Variants in DGKB observed in about 807,000 individuals in gnomAD.
DGKB encodes the protein diacylglycerol kinase beta.
A neutral mutation model predicts 114.3 loss-of-function variants in DGKB; 67 were observed. That is an observed-to-expected ratio of 0.59 (90% CI 0.48 to 0.72). The LOEUF is 0.72. Among genes scored for constraint, DGKB ranks in the 30% least tolerant of loss-of-function variants. The pLI, the probability that DGKB is intolerant of heterozygous loss-of-function variation, is 0.00. For synonymous variants in DGKB, 398 were observed against 323.1 expected (o/e 1.23, Z -2.49); for missense variants, 907 against 975.2 (o/e 0.93, Z 0.93).
At chr7:14,410,041 T>A (rs1019719298) in intron 21 of DGKB, among the ~76,000 whole-genome samples, 29 of 152,128 alleles carry the variant, frequency 1.9e-4, no homozygotes, top group African/African-American at 6.5e-4. Context: ...AAAGATAGAT[T>A]TTTGACTGTG....
intron 23 of DGKB, among the ~76,000 whole-genome samples, chr7:14,260,484 C>T (rs117754483): frequency 3.3e-5 from 5 of 152,144 alleles, no homozygotes; most frequent in African/African-American, 9.7e-5. Flanking sequence ...TAAACTCAGA[C>T]CTCAATAAGG....
rs368393799 is a variant in DGKB, at chr7:14,867,518, A to G, written c.-187-26068T>C. Among the ~76,000 whole-genome samples the G allele has an allele frequency of 3.9e-5, 6 of 151,986 alleles. No individual in the cohort carries two copies. In the East Asian group the frequency reaches 7.7e-4, roughly 20 times the overall value. ...TTGTTGAAAGACTATCTTTGCTCCA[A>G]TGTATACTTCTTACATTTAAAAACT... On this transcript the variant is annotated intron_variant, in intron 1 of 25. Coordinates refer to ENST00000402815, the MANE Select transcript of DGKB (RefSeq NM_001350709.2).
intron 23 of DGKB, among the ~76,000 whole-genome samples, chr7:14,313,384 G>A (rs1043504303): frequency 6.6e-5 from 10 of 152,124 alleles, no homozygotes; most frequent in African/African-American, 1.9e-4. Flanking sequence ...ACTAGGGAGC[G>A]CCAGACAGTG....
rs141279513 is a variant in DGKB at position 14,838,890 on chromosome 7, G to A, written c.70+2304C>T. ...TCCCTTCAATTGTGATGGGCTAAATGTGCCTCACCTCCCTTCCTCAAATTT... is the reference window on the plus strand; with the variant it reads ...TCCCTTCAATTGTGATGGGCTAAATATGCCTCACCTCCCTTCCTCAAATTT... On this transcript the variant is annotated intron_variant, in intron 2 of 25. Coordinates refer to ENST00000402815, the MANE Select transcript of DGKB (RefSeq NM_001350709.2). Among the ~76,000 whole-genome samples, 867 of 152,216 alleles carry A rather than the reference G, an allele frequency of 5.7e-3. 4 individuals carry two copies. The highest frequency in any genetic ancestry group is 0.024 in the Middle Eastern group (7 of 294).
intron 1 of DGKB, among the ~76,000 whole-genome samples, chr7:14,931,484 T>C (rs1281126366): frequency 3.9e-5 from 6 of 152,286 alleles, no homozygotes; most frequent in Admixed American, 3.9e-4. Context: ...TTATTTTTTG[T>C]TGTGTCCTTG....
chr7:14,374,636 C>T (rs1018855298), intron 21 of DGKB, among the ~76,000 whole-genome samples: 5 of 152,126 alleles, frequency 3.3e-5, no homozygotes, highest in African/African-American at 1.2e-4. Flanking sequence ...GTCTTAACAA[C>T]CCTTTGGTAT....
chr7:14,474,922 CTTTCT>C (rs1302098094), intron 21 of DGKB, among the ~76,000 whole-genome samples: 2 of 151,632 alleles, frequency 1.3e-5, no homozygotes, highest in East Asian at 3.9e-4. Context: ...AAACAGCATG[CTTTCT>C]TTTAACAGTT....
At chr7:14,330,114 A>G (rs906081534) in intron 23 of DGKB, among the ~76,000 whole-genome samples, 11 of 152,026 alleles carry the variant, frequency 7.2e-5, no homozygotes, top group Admixed American at 5.9e-4. Flanking sequence ...GAAATATAGA[A>G]GGGTTTTAGA....
intron 9 of DGKB, among the ~76,000 whole-genome samples, chr7:14,689,453 G>T (rs1035347520): frequency 6.6e-6 from 1 of 151,858 alleles, no homozygotes; most frequent in African/African-American, 2.4e-5. Flanking sequence ...TTACAGGCGT[G>T]AGCCACCGCG....
At chr7:14,541,033 A>G (rs1363907787) in intron 20 of DGKB, among the ~76,000 whole-genome samples, 1 of 152,120 alleles carries the variant, frequency 6.6e-6, no homozygotes, top group African/African-American at 2.4e-5. Flanking sequence ...CTCCTTCTTG[A>G]TAGACCACAA....
intron 1 of DGKB, among the ~76,000 whole-genome samples, chr7:14,971,927 G>C (rs544758680): frequency 6.6e-6 from 1 of 152,140 alleles, no homozygotes; most frequent in South Asian, 2.1e-4. Context: ...TGTACTTTTA[G>C]TAGAGATGGG....
intron 22 of DGKB, among the ~76,000 whole-genome samples, chr7:14,342,276 C>G (rs556710181): frequency 3.3e-5 from 5 of 151,856 alleles, no homozygotes; most frequent in East Asian, 3.9e-4. Flanking sequence ...CCCTGTCAAC[C>G]AAAAGACTGA....
chr7:14,749,006 T>C (rs894592385), intron 4 of DGKB, among the ~76,000 whole-genome samples: 1 of 152,174 alleles, frequency 6.6e-6, no homozygotes, highest in African/African-American at 2.4e-5. Flanking sequence ...TTTAAATTAA[T>C]CAGAGTTTTT....
chr7:14,652,174 A>G (rs1303790909), intron 13 of DGKB, among the ~76,000 whole-genome samples: 2 of 145,156 alleles, frequency 1.4e-5, no homozygotes, highest in Non-Finnish European at 3.0e-5. Context: ...GGAACCAAAA[A>G]AGAGCCCACA....
rs563286189 is a variant in DGKB at position 14,267,066 on chromosome 7, T to G, written c.2122+71449A>C. ...GATGTTTGTGAATGAATACATGTCTTTGTGTGTATTCTATGGTGTGACAGA... is the reference window on the plus strand; with the variant it reads ...GATGTTTGTGAATGAATACATGTCTGTGTGTGTATTCTATGGTGTGACAGA... On this transcript the variant is annotated intron_variant, in intron 23 of 25. Transcript: ENST00000402815. 1.2e-4 allele frequency among the ~76,000 whole-genome samples: 19 copies of G among 152,348 alleles called. No individual in the cohort carries two copies. The South Asian group carries it at 3.9e-3, about 32-fold the overall frequency.
At chr7:14,347,443 A>G (rs1812669033) in intron 21 of DGKB, among the ~76,000 whole-genome samples, 1 of 152,044 alleles carries the variant, frequency 6.6e-6, no homozygotes, top group South Asian at 2.1e-4. Flanking sequence ...TCTTCTGTAT[A>G]TATACCCCAA....
At chr7:14,249,962 ATT>A (rs1309612907) in intron 23 of DGKB, among the ~76,000 whole-genome samples, 1 of 149,918 alleles carries the variant, frequency 6.7e-6, no homozygotes, top group African/African-American at 2.5e-5. Flanking sequence ...TTCTTTTTCT[ATT>A]TTATTTTGTT....
chr7:14,788,700 C>T (rs1464587345), intron 2 of DGKB, among the ~76,000 whole-genome samples: 2 of 152,044 alleles, frequency 1.3e-5, no homozygotes, highest in East Asian at 1.9e-4. Context: ...AGTTTCTTGC[C>T]CACCTTTTCT....
Position 14,971,334 on chromosome 7 carries a change from A to C in DGKB, c.-188+3362T>G, listed in dbSNP as rs566819606. Among the ~76,000 whole-genome samples, 23 of 152,254 alleles carry C rather than the reference A, an allele frequency of 1.5e-4. No individual in the cohort carries two copies. In the South Asian group the frequency reaches 4.8e-3, roughly 32 times the overall value. Reference sequence around the variant, plus strand: ...TGAGCTCTGAGATATTAGAGGAAAAAATCTCATTCATATTGCAGGAAATCA... The same window carrying C: ...TGAGCTCTGAGATATTAGAGGAAAACATCTCATTCATATTGCAGGAAATCA... On this transcript the variant is annotated intron_variant, in intron 1 of 4. Coordinates refer to the DGKB transcript ENST00000437998.
Sources: gnomAD v4.1 joint callset for allele counts (sites outside exome capture counted in the v4.1 genomes callset) on GRCh38, gnomAD v4.1.1 for gene constraint, MANE v1.5 for transcripts, NCBI Gene and HGNC (gene_info 2026-07-23, HGNC 2026-07-21) for gene names.